The following KYNU variants were observed in gnomAD, a reference collection of about 807,000 sequenced individuals.
KYNU encodes L-kynurenine hydrolase.
Under a neutral mutation model 59.2 loss-of-function variants are expected in KYNU, and 54 were observed. That is an observed-to-expected ratio of 0.91 (90% CI 0.73 to 1.14). The LOEUF (loss-of-function observed/expected upper bound fraction) is 1.14. Ranked by LOEUF, KYNU falls within the 50% of genes most tolerant of loss-of-function variation. The pLI, the probability that KYNU is intolerant of heterozygous loss-of-function variation, is 0.00. For missense variants in KYNU, 567 were observed against 554.4 expected (o/e 1.02, Z -0.23); for synonymous variants, 177 against 192.0 (o/e 0.92, Z 0.65).
intron 8 of KYNU, among the ~76,000 whole-genome samples, chr2:142,965,047 C>T (rs931802105): frequency 5.9e-5 from 9 of 152,168 alleles, no homozygotes; most frequent in Non-Finnish European, 1.3e-4. Flanking sequence ...TTCTGATTGT[C>T]CCCTGCATTG....
chr2:142,901,535 CTT>C (rs1056284807), intron 2 of KYNU, among the ~76,000 whole-genome samples: 10 of 152,128 alleles, frequency 6.6e-5, no homozygotes, highest in African/African-American at 2.2e-4. Context: ...ACTGCCACCT[CTT>C]TAGGTTTCTG....
At chr2:142,923,846 A>G (rs539950657) in intron 3 of KYNU, among the ~76,000 whole-genome samples, 1 of 152,352 alleles carries the variant, frequency 6.6e-6, no homozygotes, top group East Asian at 1.9e-4. Context: ...GATTATTTAA[A>G]GACAAAAATG....
chr2:142,897,167 T>C (rs896696350), intron 2 of KYNU, among the ~76,000 whole-genome samples: 1 of 152,262 alleles, frequency 6.6e-6, no homozygotes, highest in African/African-American at 2.4e-5. Context: ...ATGGTCTGTC[T>C]TAATGACTCT....
chr2:142,882,006 G>C (rs1014130463), intron 1 of KYNU, among the ~76,000 whole-genome samples: 1 of 145,442 alleles, frequency 6.9e-6, no homozygotes, highest in African/African-American at 2.6e-5. Flanking sequence ...CCCCTGCCTC[G>C]GCCTCCCAGT....
chr2:143,011,814 CA>C (rs2105203634), intron 10 of KYNU, among the ~76,000 whole-genome samples: 1 of 126,728 alleles, frequency 7.9e-6, no homozygotes, highest in East Asian at 2.3e-4. Flanking sequence ...ATCACAAGAA[CA>C]AAAAACCAAA....
chr2:142,924,870 C>T (rs2105007647), intron 3 of KYNU, among the ~76,000 whole-genome samples: 1 of 152,292 alleles, frequency 6.6e-6, no homozygotes, highest in East Asian at 1.9e-4. Flanking sequence ...TGACAGGCCA[C>T]TTTACTTTGG....
At chr2:142,893,220 C>T (rs1206807854) in intron 2 of KYNU, among the ~76,000 whole-genome samples, 2 of 152,090 alleles carry the variant, frequency 1.3e-5, no homozygotes, top group African/African-American at 4.8e-5. Flanking sequence ...ATTATCTTGG[C>T]ATCATACCTA....
At chr2:142,952,030 A>G (rs750242070) in intron 4 of KYNU, among the ~76,000 whole-genome samples, 2 of 152,192 alleles carry the variant, frequency 1.3e-5, no homozygotes, top group Non-Finnish European at 2.9e-5. Context: ...TTCAAAATGA[A>G]CACTGTATTG....
intron 13 of KYNU, among the ~76,000 whole-genome samples, chr2:143,041,137 G>A (rs1016523233): frequency 5.3e-5 from 8 of 151,998 alleles, no homozygotes; most frequent in Non-Finnish European, 1.2e-4. Context: ...CTCAGGAGTG[G>A]TAACATTGCA....
chr2:142,920,313 T>C (rs932906169), intron 3 of KYNU, among the ~76,000 whole-genome samples: 1 of 152,246 alleles, frequency 6.6e-6, no homozygotes. Flanking sequence ...ATGGGGGTCA[T>C]AGTTAATAAA....
At chr2:142,890,029 G>A (rs1373503287) in intron 2 of KYNU, among the ~76,000 whole-genome samples, 1 of 151,878 alleles carries the variant, frequency 6.6e-6, no homozygotes, top group Non-Finnish European at 1.5e-5. Context: ...TGCCTGAGAT[G>A]TTATCAGAGA....
chr2:142,910,090 T>C (rs1202964859), intron 2 of KYNU, among the ~76,000 whole-genome samples: 3 of 151,992 alleles, frequency 2.0e-5, no homozygotes, highest in Non-Finnish European at 4.4e-5. Context: ...GTTGGCTGTA[T>C]GTATGTCTTC....
intron 3 of KYNU, among the ~76,000 whole-genome samples, chr2:142,922,669 T>G (rs1267295560): frequency 6.6e-6 from 1 of 152,208 alleles, no homozygotes; most frequent in Non-Finnish European, 1.5e-5. Flanking sequence ...TATGGCCTAT[T>G]GCAGACATAT....
At chr2:142,966,970 C>T (rs1354749339) in intron 8 of KYNU, among the ~76,000 whole-genome samples, 1 of 141,062 alleles carries the variant, frequency 7.1e-6, no homozygotes, top group East Asian at 2.1e-4. Flanking sequence ...TAGTTCCACA[C>T]TAGAATTAAA....
chr2:142,932,822 C>G (rs1439941557), intron 4 of KYNU, among the ~76,000 whole-genome samples: 3 of 152,062 alleles, frequency 2.0e-5, no homozygotes, highest in Non-Finnish European at 4.4e-5. Flanking sequence ...TAAGAAGGAG[C>G]TGCCGTCTAC....
intron 10 of KYNU, among the ~76,000 whole-genome samples, chr2:143,027,926 T>C (rs1686623677): frequency 6.6e-6 from 1 of 152,126 alleles, no homozygotes; most frequent in Non-Finnish European, 1.5e-5. Flanking sequence ...TTTTATAATA[T>C]GCAATATTAT....
intron 2 of KYNU, among the ~76,000 whole-genome samples, chr2:142,889,042 A>C (rs781112453): frequency 6.6e-6 from 1 of 151,782 alleles, no homozygotes; most frequent in Non-Finnish European, 1.5e-5. Context: ...CATGGAGCAC[A>C]GGTGAAGCTG....
chr2:142,932,694 G>A (rs1426598831), intron 4 of KYNU, among the ~76,000 whole-genome samples: 1 of 148,244 alleles, frequency 6.7e-6, no homozygotes, highest in African/African-American at 2.5e-5. Context: ...CTTGAGTGAG[G>A]GCAATGAGTT....
chr2:143,020,833 GTTTATC>G (rs1185329284), intron 10 of KYNU, among the ~76,000 whole-genome samples: 1 of 152,144 alleles, frequency 6.6e-6, no homozygotes, highest in Non-Finnish European at 1.5e-5. Context: ...GGTCAATGGT[GTTTATC>G]TTTATAACTT....
Sources: gnomAD v4.1 joint callset for allele counts (sites outside exome capture counted in the v4.1 genomes callset) on GRCh38, gnomAD v4.1.1 for gene constraint, MANE v1.5 for transcripts, NCBI Gene and HGNC (gene_info 2026-07-23, HGNC 2026-07-21) for gene names.